Variants in RGL1 observed in about 807,000 individuals in gnomAD.
The protein encoded by RGL1 is ral guanine nucleotide dissociation stimulator-like 1.
Under a neutral mutation model 95.2 loss-of-function variants are expected in RGL1, and 24 were observed. The ratio of observed to expected loss-of-function variants is 0.25; its 90% CI spans 0.18 to 0.35. The LOEUF is 0.35. Ranked by LOEUF, RGL1 falls within the 10% of genes least tolerant of loss-of-function variation. RGL1 has a pLI of 1.00. For missense variants in RGL1, 715 were observed against 936.3 expected, an observed-to-expected ratio of 0.76 and a Z score of 3.08; for synonymous variants, 329 against 344.9, an observed-to-expected ratio of 0.95 and a Z score of 0.51.
chr1:183,689,410 G>GTCATT lies in RGL1; in HGVS notation c.-32-52715_-32-52714insCATTT, dbSNP rs1653809402. ...TGCATTTGCTGTTTCTCTCCTGGAT[G>GTCATT]TGTTTCCCATCCTGGGTCATTTGCT... On this transcript the variant is annotated intron_variant, in intron 1 of 18. Transcript: ENST00000304685. 2.0e-5 allele frequency among the ~76,000 whole-genome samples: 3 copies of GTCATT among 152,144 alleles called. No homozygotes were observed. The South Asian group carries it at 6.2e-4, about 31-fold the overall frequency.
chr1:183,741,777 T>C (rs1343383702), intron 1 of RGL1, among the ~76,000 whole-genome samples: 1 of 152,178 alleles, frequency 6.6e-6, no homozygotes, highest in Non-Finnish European at 1.5e-5. Context: ...CATGAAAATA[T>C]GAAAACATCA....
intron 4 of RGL1, among the ~76,000 whole-genome samples, chr1:183,873,137 A>G (rs1390303715): frequency 2.6e-5 from 4 of 152,226 alleles, no homozygotes; most frequent in African/African-American, 4.8e-5. Context: ...ATAAAACAAC[A>G]TTGATAATCA....
At chr1:183,806,861 A>G (rs764056490) in intron 2 of RGL1, among the ~76,000 whole-genome samples, 3 of 152,118 alleles carry the variant, frequency 2.0e-5, no homozygotes, top group South Asian at 2.1e-4. Flanking sequence ...CCCTCCCCCA[A>G]TTGATGCTGT....
At chr1:183,836,910 G>A (rs1663702559) in intron 2 of RGL1, among the ~76,000 whole-genome samples, 1 of 152,128 alleles carries the variant, frequency 6.6e-6, no homozygotes, top group Non-Finnish European at 1.5e-5. Flanking sequence ...AGATCCAGGG[G>A]AGTAATAATT....
intron 2 of RGL1, among the ~76,000 whole-genome samples, chr1:183,791,577 A>G (rs1024508124): frequency 1.3e-5 from 2 of 152,222 alleles, no homozygotes; most frequent in Non-Finnish European, 2.9e-5. Flanking sequence ...AAGACTTCCA[A>G]TTAACTTTGG....
intron 2 of RGL1, among the ~76,000 whole-genome samples, chr1:183,832,280 T>G (rs1054558611): frequency 6.6e-5 from 10 of 152,180 alleles, no homozygotes; most frequent in Admixed American, 5.9e-4. Flanking sequence ...ATGACTTGGG[T>G]CATTAAGTCA....
At chr1:183,720,245 C>T (rs573605602) in intron 1 of RGL1, among the ~76,000 whole-genome samples, 2 of 152,216 alleles carry the variant, frequency 1.3e-5, no homozygotes, top group South Asian at 4.1e-4. Flanking sequence ...AGTTTAATGC[C>T]AAAATATTAG....
chr1:183,732,812 T>C (rs1656706324), intron 1 of RGL1, among the ~76,000 whole-genome samples: 1 of 152,144 alleles, frequency 6.6e-6, no homozygotes, highest in Non-Finnish European at 1.5e-5. Context: ...ATTGAATGTA[T>C]CCCAGTAAGG....
At chr1:183,862,573 T>G (rs887260926) in intron 3 of RGL1, among the ~76,000 whole-genome samples, 3 of 152,272 alleles carry the variant, frequency 2.0e-5, no homozygotes, top group Non-Finnish European at 2.9e-5. Flanking sequence ...TTCTTTTTAA[T>G]TGTAGATTTT....
intron 1 of RGL1, among the ~76,000 whole-genome samples, chr1:183,653,817 G>C (rs918808416): frequency 3.3e-5 from 5 of 152,150 alleles, no homozygotes; most frequent in African/African-American, 1.2e-4. Context: ...TCCAGGATCG[G>C]TTGTAGCCCC....
intron 2 of RGL1, among the ~76,000 whole-genome samples, chr1:183,834,446 C>T (rs530121224): frequency 6.6e-6 from 1 of 152,226 alleles, no homozygotes; most frequent in African/African-American, 2.4e-5. Flanking sequence ...AGGCCTTACC[C>T]CATCAGTTCT....
chr1:183,678,210 A>G (rs1002928779), intron 1 of RGL1, among the ~76,000 whole-genome samples: 1 of 152,128 alleles, frequency 6.6e-6, no homozygotes, highest in Non-Finnish European at 1.5e-5. Flanking sequence ...CCTGTGTGTA[A>G]CCTCCTAGGC....
Position 183,659,725 on chromosome 1 carries a change from C to T in RGL1, c.-33+23224C>T, listed in dbSNP as rs1199759600. Among the ~76,000 whole-genome samples, 4 of 151,554 alleles carry T rather than the reference C, an allele frequency of 2.6e-5. No individual in the cohort carries two copies. The East Asian group carries it at 7.7e-4, about 29-fold the overall frequency. ...CAGAGAACACCACAAAGATACTCCT[C>T]GAGAAGAGCAACTCCAAGACACATA... On this transcript the variant is annotated intron_variant, in intron 1 of 18. Transcript: ENST00000304685.
intron 11 of RGL1, among the ~76,000 whole-genome samples, chr1:183,901,860 A>G (rs74461108): frequency 0.032 from 4,917 of 152,312 alleles, 262 homozygotes; most frequent in African/African-American, 0.11. Flanking sequence ...ATATTTCAGT[A>G]TATACTACCC....
chr1:183,710,707 A>G (rs1354940294), intron 1 of RGL1, among the ~76,000 whole-genome samples: 2 of 152,148 alleles, frequency 1.3e-5, no homozygotes, highest in Non-Finnish European at 2.9e-5. Context: ...GGAAACTGCC[A>G]CTTTTGAAGT....
At chr1:183,841,459 G>C (rs1184373056) in intron 2 of RGL1, among the ~76,000 whole-genome samples, 1 of 152,296 alleles carries the variant, frequency 6.6e-6, no homozygotes, top group East Asian at 1.9e-4. Flanking sequence ...AGGTGATTGT[G>C]ACAAGTTTTG....
rs750566910 is a variant in RGL1, at chr1:183,847,527, G to A, written c.139-39G>A. ...AATGCTTCCAATTTTACTTTAGGGAGTCATTTCTCCTTATGGTAATTGTTA... is the reference window on the plus strand; with the variant it reads ...AATGCTTCCAATTTTACTTTAGGGAATCATTTCTCCTTATGGTAATTGTTA... On this transcript the variant is annotated intron_variant, in intron 2 of 17. Transcript: ENST00000360851. The A allele has an allele frequency of 2.3e-5, 35 of 1,547,240 alleles. No individual in the cohort carries two copies. The South Asian group carries it at 3.9e-4, about 17-fold the overall frequency.
At position 183,904,915 on chromosome 1, in the gene RGL1, A is replaced by G. The variant is rs2102708226; in HGVS notation, c.1416A>G (p.Pro472=). Residue 472 remains proline (P), a synonymous_variant, in exon 13 of 18, where the codon CCA becomes CCG. Coordinates refer to ENST00000360851, the MANE Select transcript of RGL1 (RefSeq NM_001297671.3). The stretch of plus-strand genomic sequence containing the variant: ...CCTGCAACAGCTATTGCATGACCCC[A>G]GACCAAAAGTTCATCCAGTGGTTCC... ...QSACNSYCMT[P]DQKFIQWFQR... is the part of the protein sequence containing the mutation. 7 of 1,613,934 alleles carry G rather than the reference A, an allele frequency of 4.3e-6. No individual in the cohort carries two copies. The highest frequency in any genetic ancestry group is 1.3e-5 in the African/African-American group (1 of 75,004).
chr1:183,672,416 T>C (rs1652530693), intron 1 of RGL1, among the ~76,000 whole-genome samples: 1 of 152,220 alleles, frequency 6.6e-6, no homozygotes, highest in Non-Finnish European at 1.5e-5. Context: ...TTCTCTCTTT[T>C]CCCATCTTTT....
Sources: gnomAD v4.1 joint callset for allele counts (sites outside exome capture counted in the v4.1 genomes callset) on GRCh38, gnomAD v4.1.1 for gene constraint, MANE v1.5 for transcripts, NCBI Gene and HGNC (gene_info 2026-07-23, HGNC 2026-07-21) for gene names.